The following RALYL variants were observed in gnomAD, a reference collection of about 807,000 sequenced individuals.
RALYL encodes the protein RNA-binding Raly-like protein.
In RALYL, 29 loss-of-function variants were observed where a neutral mutation model predicts 35.1. The ratio of observed to expected loss-of-function variants is 0.83; its 90% CI spans 0.61 to 1.13. RALYL has a LOEUF of 1.13. Among genes scored for constraint, RALYL ranks in the 50% most tolerant of loss-of-function variants. RALYL has a pLI of 0.00. For missense variants in RALYL, 359 were observed against 360.4 expected, an observed-to-expected ratio of 1.00 and a Z score of 0.03; for synonymous variants, 120 against 127.6, an observed-to-expected ratio of 0.94 and a Z score of 0.40.
At chr8:84,657,423 A>G (rs1444475099) in intron 2 of RALYL, among the ~76,000 whole-genome samples, 1 of 152,190 alleles carries the variant, frequency 6.6e-6, no homozygotes, top group Non-Finnish European at 1.5e-5. Flanking sequence ...CTTACTCTCA[A>G]CCGAAACTGG....
At chr8:84,710,721 T>C (rs1271044690) in intron 2 of RALYL, among the ~76,000 whole-genome samples, 1 of 152,186 alleles carries the variant, frequency 6.6e-6, no homozygotes. Context: ...TTATTCTTGT[T>C]TGATACATTC....
intron 1 of RALYL, among the ~76,000 whole-genome samples, chr8:84,207,671 A>G (rs1032543424): frequency 1.8e-4 from 28 of 152,024 alleles, no homozygotes; most frequent in Non-Finnish European, 3.4e-4. Context: ...AGTTAATAAT[A>G]CTGTATCAGA....
Position 84,908,768 on chromosome 8 carries a change from C to T in RALYL, c.859-12126C>T, listed in dbSNP as rs148034267. On this transcript the variant is annotated intron_variant, in intron 8 of 8. Coordinates refer to ENST00000521268, the MANE Select transcript of RALYL (RefSeq NM_173848.7). ...AGTTTGTGCATCTCCCCAAAACCCC[C>T]GGGAAATGCAGAGCTCAATCCTGCT... is the stretch of plus-strand genomic sequence containing the variant. Among the ~76,000 whole-genome samples the T allele has an allele frequency of 4.0e-3, 604 of 152,054 alleles. 6 individuals carry two copies. The highest frequency in any genetic ancestry group is 0.014 in the African/African-American group (567 of 41,488).
chr8:84,435,505 A>G (rs577005808), intron 1 of RALYL, among the ~76,000 whole-genome samples: 3 of 152,248 alleles, frequency 2.0e-5, no homozygotes, highest in African/African-American at 7.2e-5. Context: ...TTCAGAGGGG[A>G]CTTTTTAATG....
At chr8:84,541,443 A>G (rs1451393954) in intron 2 of RALYL, among the ~76,000 whole-genome samples, 1 of 151,986 alleles carries the variant, frequency 6.6e-6, no homozygotes, top group East Asian at 1.9e-4. Context: ...AATAATATAT[A>G]ATAAAATTAA....
chr8:84,854,776 A>G (rs1836634262), intron 5 of RALYL, among the ~76,000 whole-genome samples: 1 of 152,206 alleles, frequency 6.6e-6, no homozygotes, highest in Non-Finnish European at 1.5e-5. Context: ...AGGGCTGGAG[A>G]AACAAAGGAA....
intron 2 of RALYL, among the ~76,000 whole-genome samples, chr8:84,567,666 G>A (rs138337664): frequency 2.4e-4 from 36 of 151,144 alleles, no homozygotes; most frequent in Non-Finnish European, 5.0e-4. Flanking sequence ...ATAAATATAC[G>A]AGTGAACGTT....
intron 1 of RALYL, among the ~76,000 whole-genome samples, chr8:84,347,000 C>T (rs1186261856): frequency 6.6e-6 from 1 of 151,954 alleles, no homozygotes; most frequent in Non-Finnish European, 1.5e-5. Context: ...GAGTTCAAGA[C>T]CTGCCCGGCC....
intron 1 of RALYL, among the ~76,000 whole-genome samples, chr8:84,519,549 C>T (rs2058306727): frequency 6.6e-6 from 1 of 152,206 alleles, no homozygotes; most frequent in Non-Finnish European, 1.5e-5. Context: ...CCTTCCCTCA[C>T]TGCTGTAAGT....
intron 2 of RALYL, among the ~76,000 whole-genome samples, chr8:84,559,698 T>C (rs949209314): frequency 2.6e-5 from 4 of 152,068 alleles, no homozygotes; most frequent in Admixed American, 6.6e-5. Context: ...TAAAATTATG[T>C]TAATGAAAGT....
chr8:84,462,619 A>G (rs1333226132), intron 1 of RALYL, among the ~76,000 whole-genome samples: 2 of 111,506 alleles, frequency 1.8e-5, no homozygotes, highest in African/African-American at 7.7e-5. Context: ...TTTTTTTTGC[A>G]TGTGGATATC....
At chr8:84,807,854 G>C (rs929692739) in intron 4 of RALYL, among the ~76,000 whole-genome samples, 1 of 152,000 alleles carries the variant, frequency 6.6e-6, no homozygotes, top group Non-Finnish European at 1.5e-5. Flanking sequence ...CCCACTTTTT[G>C]ATGGGATGTT....
intron 2 of RALYL, among the ~76,000 whole-genome samples, chr8:84,713,434 A>G (rs757526186): frequency 2.6e-5 from 4 of 152,088 alleles, no homozygotes; most frequent in Admixed American, 2.0e-4. Flanking sequence ...AAAAGAAGAC[A>G]TACAAATAAT....
chr8:84,680,139 T>C (rs903044332), intron 2 of RALYL, among the ~76,000 whole-genome samples: 3 of 152,138 alleles, frequency 2.0e-5, no homozygotes, highest in African/African-American at 4.8e-5. Flanking sequence ...CTGAGAATGA[T>C]GGTTTTCAGC....
At chr8:84,705,265 T>A (rs1289884892) in intron 2 of RALYL, among the ~76,000 whole-genome samples, 8 of 152,008 alleles carry the variant, frequency 5.3e-5, no homozygotes, top group Non-Finnish European at 1.2e-4. Context: ...CCAACTACTG[T>A]CAAAGTAGAG....
At chr8:84,478,105 A>G (rs2053626784) in intron 1 of RALYL, among the ~76,000 whole-genome samples, 1 of 152,150 alleles carries the variant, frequency 6.6e-6, no homozygotes, top group South Asian at 2.1e-4. Flanking sequence ...AAGATTGTCA[A>G]TAAAAGCCTT....
intron 2 of RALYL, among the ~76,000 whole-genome samples, chr8:84,558,595 A>G (rs1311997622): frequency 2.0e-5 from 3 of 152,208 alleles, no homozygotes; most frequent in Admixed American, 6.6e-5. Flanking sequence ...GTTAGTTTAA[A>G]TCACTTCTGT....
intron 1 of RALYL, among the ~76,000 whole-genome samples, chr8:84,270,088 T>A (rs1834013892): frequency 6.6e-6 from 1 of 152,110 alleles, no homozygotes. Context: ...TGAGCAGTAC[T>A]GCATGAAGGT....
In RALYL at chr8:84,913,040, G is replaced by GTAGATAGATAGATAGA. The variant is rs1554650721; in HGVS notation, c.859-7819_859-7804dup. Among the ~76,000 whole-genome samples the GTAGATAGATAGATAGA allele has an allele frequency of 1.9e-3, 250 of 130,122 alleles. 3 individuals are homozygous for GTAGATAGATAGATAGA. Among genetic ancestry groups the GTAGATAGATAGATAGA allele is most frequent in the African/African-American group, 5.5e-3 (171 of 31,310 alleles). 85.4% of individuals were successfully genotyped at this position (130,122 alleles called of 152,430 possible). ...GATGGATGGATGGATGGATAGGTAG[G>GTAGATAGATAGATAGA]TAGATAGATAGATAGATAGATAGAT... On this transcript the variant is annotated intron_variant, in intron 8 of 8. Coordinates refer to ENST00000521268, the MANE Select transcript of RALYL (RefSeq NM_173848.7).
Sources: gnomAD v4.1 joint callset for allele counts (sites outside exome capture counted in the v4.1 genomes callset) on GRCh38, gnomAD v4.1.1 for gene constraint, MANE v1.5 for transcripts, NCBI Gene and HGNC (gene_info 2026-07-23, HGNC 2026-07-21) for gene names.